Variants in CDYL2 observed in about 807,000 individuals in gnomAD.
The protein encoded by CDYL2 is chromodomain Y like 2, also known as chromodomain Y-like protein 2.
In CDYL2, 23 loss-of-function variants were observed where a neutral mutation model predicts 49.4. The ratio of observed to expected loss-of-function variants is 0.47; its 90% confidence interval spans 0.34 to 0.66. The LOEUF is 0.66. CDYL2 is among the 30% of genes least tolerant of loss of function. CDYL2 has a pLI of 0.01. For missense variants in CDYL2, 678 were observed against 656.4 expected (o/e 1.03, Z -0.36); for synonymous variants, 360 against 268.8 (o/e 1.34, Z -3.32).
intron 2 of CDYL2, among the ~76,000 whole-genome samples, chr16:80,650,392 G>A (rs920969610): frequency 2.0e-5 from 3 of 152,184 alleles, no homozygotes; most frequent in African/African-American, 7.2e-5. Context: ...TCAAAGAAAT[G>A]CAAATCAAAA....
At chr16:80,630,472 A>C (rs1357279458) in intron 3 of CDYL2, among the ~76,000 whole-genome samples, 1 of 152,230 alleles carries the variant, frequency 6.6e-6, no homozygotes, top group African/African-American at 2.4e-5. Flanking sequence ...AGTAGAAAGA[A>C]TCTAGGAAAA....
rs534519441 is a variant in CDYL2, at chr16:80,648,163, AG to A, written c.617-14928del. Among the ~76,000 whole-genome samples the A allele has an allele frequency of 8.8e-4, 134 of 152,272 alleles. 2 individuals carry two copies. In the East Asian group the frequency reaches 0.024, roughly 28 times the overall value. On this transcript the variant is annotated intron_variant, in intron 2 of 6. Transcript: ENST00000570137. ...AGATGAAAAAAATAATAAAGATCAG[AG>A]TGGAAATAGATAAAATTGAAAAGAA...
At chr16:80,717,222 T>C (rs1022726374) in intron 1 of CDYL2, among the ~76,000 whole-genome samples, 1 of 152,144 alleles carries the variant, frequency 6.6e-6, no homozygotes, top group Admixed American at 6.5e-5. Context: ...GTGTGGTGAC[T>C]AGCCATTCTT....
chr16:80,603,421 C>T lies in CDYL2; in HGVS notation c.*967G>A, dbSNP rs771847837. Reference sequence around the variant, plus strand: ...AAGAAAAAACTCTCCCAAGATGTCTCCTAAGGACAAACCTAAGGAACTAGT... The same window carrying T: ...AAGAAAAAACTCTCCCAAGATGTCTTCTAAGGACAAACCTAAGGAACTAGT... On this transcript the variant is annotated 3_prime_UTR_variant, in exon 7 of 7. Transcript: ENST00000570137. 2 of 152,192 alleles carry T rather than the reference C, an allele frequency of 1.3e-5. No individual in the cohort carries two copies. Among genetic ancestry groups the T allele is most frequent in the Admixed American group, 1.3e-4 (2 of 15,280 alleles). The allele number at this position is 152,192 out of a possible 1,614,324, so 9.4% of individuals were successfully genotyped here.
intron 2 of CDYL2, among the ~76,000 whole-genome samples, chr16:80,635,516 G>A (rs113717415): frequency 0.059 from 8,937 of 152,106 alleles, 801 homozygotes; most frequent in African/African-American, 0.2. Flanking sequence ...GGGATGTGAA[G>A]GACCTATTCA....
rs114807612 is a variant in CDYL2 at position 80,615,702 on chromosome 16, C to G, written c.1008-2866G>C. Among the ~76,000 whole-genome samples the G allele has an allele frequency of 4.9e-3, 739 of 152,238 alleles. 5 individuals are homozygous for G. Among genetic ancestry groups the G allele is most frequent in the African/African-American group, 0.017 (697 of 41,544 alleles). On this transcript the variant is annotated intron_variant, in intron 4 of 6. Coordinates refer to ENST00000570137, the MANE Select transcript of CDYL2 (RefSeq NM_152342.4). ...AGCCTTTCATTCTGTGTTTTCCAAC[C>G]TGAGATCCATGAAACGGAATCAGGG...
At chr16:80,604,593 G>T in intron 6 of CDYL2, 47 bp from the exon 7 acceptor site, 1 of 1,604,522 alleles carries the variant, frequency 6.2e-7, no homozygotes, top group Non-Finnish European at 8.5e-7. Context: ...CAGGGACTCT[G>T]CTCCAGAACT....
chr16:80,773,684 T>C (rs370263342), intron 1 of CDYL2, among the ~76,000 whole-genome samples: 1 of 152,076 alleles, frequency 6.6e-6, no homozygotes, highest in Non-Finnish European at 1.5e-5. Flanking sequence ...TTAAGAAATA[T>C]ACGTCGAAAC....
Position 80,682,750 on chromosome 16 carries a change from G to A in CDYL2, c.616+1788C>T, listed in dbSNP as rs56860876. Among the ~76,000 whole-genome samples the A allele has an allele frequency of 6.4e-3, 981 of 152,208 alleles. 12 individuals are homozygous for A. Among genetic ancestry groups the A allele is most frequent in the African/African-American group, 0.022 (922 of 41,534 alleles). ...CACCCTTCCTGAGACAGGGAACTCCGCCACCGCCAGCAGCCGTCACAGCAA... is the reference window on the plus strand; with the variant it reads ...CACCCTTCCTGAGACAGGGAACTCCACCACCGCCAGCAGCCGTCACAGCAA... On this transcript the variant is annotated intron_variant, in intron 2 of 6. Coordinates refer to ENST00000570137, the MANE Select transcript of CDYL2 (RefSeq NM_152342.4).
intron 1 of CDYL2, among the ~76,000 whole-genome samples, chr16:80,738,272 G>A (rs1390945305): frequency 1.3e-5 from 2 of 152,122 alleles, no homozygotes; most frequent in African/African-American, 2.4e-5. Flanking sequence ...ATCACTGGTG[G>A]GCATTCGGGT....
Position 80,804,222 on chromosome 16 carries a change from G to A in CDYL2, c.-49C>T, listed in dbSNP as rs771887915. The A allele has an allele frequency of 1.5e-5, 20 of 1,335,986 alleles. No homozygotes were observed. In the East Asian group the frequency reaches 5.8e-4, roughly 39 times the overall value. The allele number at this position is 1,335,986 out of a possible 1,614,324, so 82.8% of individuals were successfully genotyped here. ...CCGGTGTGCGCGTCTGCTCGCTCGC[G>A]CCCTCCGTGCGTGTGCGCGCGGGGT... On this transcript the variant is annotated 5_prime_UTR_variant, in exon 1 of 7. Transcript: ENST00000570137.
At chr16:80,644,033 T>C (rs575764676) in intron 2 of CDYL2, among the ~76,000 whole-genome samples, 1 of 152,256 alleles carries the variant, frequency 6.6e-6, no homozygotes, top group Non-Finnish European at 1.5e-5. Context: ...CAAACTTTTA[T>C]GCTCTGTTTC....
At position 80,715,487 on chromosome 16, in the gene CDYL2, C is replaced by T. The variant is rs1457269979; in HGVS notation, c.25-30358G>A. Among the ~76,000 whole-genome samples, 8 of 152,328 alleles carry T rather than the reference C, an allele frequency of 5.3e-5. No individual in the cohort carries two copies. In the South Asian group the frequency reaches 8.3e-4, roughly 16 times the overall value. On this transcript the variant is annotated intron_variant, in intron 1 of 6. Coordinates refer to ENST00000570137, the MANE Select transcript of CDYL2 (RefSeq NM_152342.4). ...CCTGAATGTCTTTGCAAGACATTTA[C>T]AGACACTCATGGTTCTCCAGTGGCA...
In CDYL2 at chr16:80,727,025, G is replaced by A. The variant is rs9923018; in HGVS notation, c.25-41896C>T. On this transcript the variant is annotated intron_variant, in intron 1 of 6. Transcript: ENST00000570137. Reference sequence around the variant, plus strand: ...TGCTGGAGCCCAGGTGGTAGAGGCTGCAGTGAGCCATGACTGTGCCTGGGC... The same window carrying A: ...TGCTGGAGCCCAGGTGGTAGAGGCTACAGTGAGCCATGACTGTGCCTGGGC... Among the ~76,000 whole-genome samples the A allele has an allele frequency of 4.2e-3, 639 of 152,328 alleles. 5 individuals carry two copies. The highest frequency in any genetic ancestry group is 0.015 in the African/African-American group (616 of 41,574).
chr16:80,735,614 C>G (rs971537206), intron 1 of CDYL2, among the ~76,000 whole-genome samples: 3 of 152,188 alleles, frequency 2.0e-5, no homozygotes, highest in African/African-American at 7.2e-5. Flanking sequence ...CCCAGACCCC[C>G]AGGGAATGGC....
intron 4 of CDYL2, among the ~76,000 whole-genome samples, chr16:80,620,142 T>C (rs1306303556): frequency 6.6e-6 from 1 of 152,238 alleles, no homozygotes; most frequent in Non-Finnish European, 1.5e-5. Context: ...ACTCACTTGC[T>C]TTTGATATAC....
chr16:80,693,098 G>A (rs1240684953), intron 1 of CDYL2, among the ~76,000 whole-genome samples: 9 of 134,542 alleles, frequency 6.7e-5, no homozygotes, highest in East Asian at 2.6e-4. Context: ...TATAGTGATC[G>A]AAGCCAGATC....
intron 1 of CDYL2, among the ~76,000 whole-genome samples, chr16:80,730,363 A>G (rs1490325179): frequency 1.3e-5 from 2 of 152,012 alleles, no homozygotes; most frequent in Non-Finnish European, 2.9e-5. Context: ...AGAAATGGAT[A>G]AATTCCTCGA....
intron 1 of CDYL2, among the ~76,000 whole-genome samples, chr16:80,703,495 T>C (rs1904316171): frequency 6.6e-6 from 1 of 152,166 alleles, no homozygotes; most frequent in South Asian, 2.1e-4. Flanking sequence ...CTTTCTCTAA[T>C]GTGCACTAGA....
Sources: gnomAD v4.1 joint callset for allele counts (sites outside exome capture counted in the v4.1 genomes callset) on GRCh38, gnomAD v4.1.1 for gene constraint, MANE v1.5 for transcripts, NCBI Gene and HGNC (gene_info 2026-07-23, HGNC 2026-07-21) for gene names.